Variants in FAM117B observed in about 807,000 individuals in gnomAD.
FAM117B encodes family with sequence similarity 117 member B.
FAM117B carries 22 observed loss-of-function variants against 52.8 expected under a neutral mutation model. The observed-to-expected ratio is 0.42, with a 90% CI of 0.30 to 0.59. The LOEUF (loss-of-function observed/expected upper bound fraction) is 0.59. Ranked by LOEUF, FAM117B falls within the 20% of genes least tolerant of loss-of-function variation. FAM117B has a pLI of 0.22. For missense variants in FAM117B, 678 were observed against 802.6 expected, an observed-to-expected ratio of 0.84 and a Z score of 1.88; for synonymous variants, 309 against 324.1, an observed-to-expected ratio of 0.95 and a Z score of 0.50.
chr2:202,738,291 CT>C (rs1409593879), intron 4 of FAM117B, among the ~76,000 whole-genome samples: 7 of 152,110 alleles, frequency 4.6e-5, no homozygotes, highest in Non-Finnish European at 1.5e-5. Flanking sequence ...ATGGGGATTA[CT>C]TTTGGTGTCA....
chr2:202,719,585 C>T (rs1691117513), intron 2 of FAM117B, among the ~76,000 whole-genome samples: 1 of 152,116 alleles, frequency 6.6e-6, no homozygotes, highest in South Asian at 2.1e-4. Flanking sequence ...ACTATTTCAG[C>T]ATGTATATGA....
At chr2:202,655,761 AGTGTGTGT>A (rs1182174843) in intron 1 of FAM117B, among the ~76,000 whole-genome samples, 3 of 100,372 alleles carry the variant, frequency 3.0e-5, no homozygotes, top group Admixed American at 1.1e-4. Context: ...AGAGAGAGAG[AGTGTGTGT>A]GTGTGTGTGT....
chr2:202,765,955 G>A lies in FAM117B; in HGVS notation c.*191G>A, dbSNP rs1691970947. 1.7e-6 allele frequency: 1 copy of A among 593,840 alleles called. No homozygotes were observed. Among genetic ancestry groups the A allele is most frequent in the Non-Finnish European group, 3.0e-6 (1 of 338,098 alleles). 36.8% of individuals were successfully genotyped at this position (593,840 alleles called of 1,614,324 possible). A position where few individuals can be genotyped will look rare whatever the true frequency, so the allele number is the denominator to read the frequency against. ...CCACTTGTGAACGCCAACCCTCAGT[G>A]CTTAGCCTGCTTTTTATCAAAGCAC... On this transcript the variant is annotated 3_prime_UTR_variant, in exon 8 of 8. Coordinates refer to ENST00000392238, the MANE Select transcript of FAM117B (RefSeq NM_173511.4).
intron 1 of FAM117B, among the ~76,000 whole-genome samples, chr2:202,665,472 A>G (rs953647793): frequency 5.9e-5 from 9 of 152,198 alleles, no homozygotes; most frequent in African/African-American, 2.2e-4. Context: ...TAATCTCCCC[A>G]TTAATAACTC....
intron 1 of FAM117B, among the ~76,000 whole-genome samples, chr2:202,677,015 A>G (rs956795054): frequency 6.6e-6 from 1 of 152,074 alleles, no homozygotes; most frequent in Admixed American, 6.6e-5. Context: ...GGAAAATAGG[A>G]AGCTTGGCTG....
chr2:202,684,953 A>G (rs1358412623), intron 1 of FAM117B, among the ~76,000 whole-genome samples: 1 of 152,128 alleles, frequency 6.6e-6, no homozygotes, highest in African/African-American at 2.4e-5. Context: ...ATTATCTAAG[A>G]GAAAAGAAGG....
intron 1 of FAM117B, among the ~76,000 whole-genome samples, chr2:202,677,591 G>C (rs1316981943): frequency 6.6e-6 from 1 of 152,184 alleles, no homozygotes; most frequent in South Asian, 2.1e-4. Context: ...ATCTTGCTCA[G>C]ATTCTAAAGA....
At chr2:202,649,241 G>A (rs1284550797) in intron 1 of FAM117B, among the ~76,000 whole-genome samples, 1 of 152,142 alleles carries the variant, frequency 6.6e-6, no homozygotes, top group East Asian at 1.9e-4. Context: ...CCCTCAAGGA[G>A]TAAACTCTTA....
rs868204178 is a variant in FAM117B, at chr2:202,715,382, G to A, written c.754-9535G>A. Among the ~76,000 whole-genome samples the A allele has an allele frequency of 1.3e-3, 199 of 147,676 alleles. 1 individual carries two copies. The highest frequency in any genetic ancestry group is 4.6e-3 in the African/African-American group (184 of 40,000). ...TTCCCAGACGGGGTGGCTGCCAGGC[G>A]GAGGGGCTCCTCACTTCTCAGACGG... On this transcript the variant is annotated intron_variant, in intron 2 of 7. Coordinates refer to ENST00000392238, the MANE Select transcript of FAM117B (RefSeq NM_173511.4).
At chr2:202,699,711 A>C (rs1690768868) in intron 2 of FAM117B, among the ~76,000 whole-genome samples, 1 of 152,208 alleles carries the variant, frequency 6.6e-6, no homozygotes, top group Non-Finnish European at 1.5e-5. Context: ...TATATATAAC[A>C]AGGTTTGCTG....
intron 4 of FAM117B, among the ~76,000 whole-genome samples, chr2:202,735,854 T>C (rs1010208192): frequency 6.6e-6 from 1 of 152,238 alleles, no homozygotes; most frequent in Non-Finnish European, 1.5e-5. Context: ...TACATATATA[T>C]ACATGTGTCA....
At chr2:202,665,634 T>A (rs2105763065) in intron 1 of FAM117B, among the ~76,000 whole-genome samples, 1 of 152,182 alleles carries the variant, frequency 6.6e-6, no homozygotes, top group East Asian at 1.9e-4. Flanking sequence ...AGAGTCTCAC[T>A]CTATCACCCA....
At chr2:202,718,197 C>T (rs1691087729) in intron 2 of FAM117B, among the ~76,000 whole-genome samples, 1 of 152,160 alleles carries the variant, frequency 6.6e-6, no homozygotes, top group Non-Finnish European at 1.5e-5. Context: ...TCCCCTCTGG[C>T]CCAGGGCAGG....
chr2:202,657,128 C>T lies in FAM117B; in HGVS notation c.601+21340C>T, dbSNP rs1017169186. Among the ~76,000 whole-genome samples the T allele has an allele frequency of 3.3e-5, 5 of 152,240 alleles. No homozygotes were observed. In the East Asian group the frequency reaches 9.6e-4, roughly 29 times the overall value. ...TTTGAGATAACAGTTTCCTCTGTCA[C>T]CCAGGCTGGAGTGCAGTGGCATGAT... On this transcript the variant is annotated intron_variant, in intron 1 of 7. Coordinates refer to ENST00000392238, the MANE Select transcript of FAM117B (RefSeq NM_173511.4).
intron 4 of FAM117B, among the ~76,000 whole-genome samples, chr2:202,740,259 G>T (rs562888022): frequency 5.5e-5 from 8 of 146,118 alleles, no homozygotes; most frequent in Admixed American, 3.5e-4. Context: ...ACTCGGGAGG[G>T]TGAGGCATGA....
At position 202,766,061 on chromosome 2, in the gene FAM117B, A is replaced by AACACACACACAC. The variant is rs34556556; in HGVS notation, c.*332_*343dup. ...TTGTTTTCGAATTAGACTTCTTTAA[A>AACACACACACAC]ACACACACACACACACACACACACA... On this transcript the variant is annotated 3_prime_UTR_variant, in exon 8 of 8. Transcript: ENST00000392238. 3.8e-3 allele frequency: 780 copies of AACACACACACAC among 203,068 alleles called. 3 individuals are homozygous for AACACACACACAC. The highest frequency in any genetic ancestry group is 6.3e-3 in the East Asian group (44 of 6,970). 12.6% of individuals were successfully genotyped at this position (203,068 alleles called of 1,614,324 possible). A position where few individuals can be genotyped will look rare whatever the true frequency, so the allele number is the denominator to read the frequency against.
chr2:202,656,689 A>G (rs537984224), intron 1 of FAM117B, among the ~76,000 whole-genome samples: 24 of 152,166 alleles, frequency 1.6e-4, no homozygotes, highest in Non-Finnish European at 2.8e-4. Flanking sequence ...AGTGTTCTAT[A>G]AATGTCACTT....
intron 1 of FAM117B, among the ~76,000 whole-genome samples, chr2:202,676,415 T>G (rs1298323642): frequency 6.6e-6 from 1 of 151,668 alleles, no homozygotes. Context: ...GTTTCGCTCT[T>G]GTTGCCCAGG....
chr2:202,685,487 C>T (rs764361058), intron 1 of FAM117B, among the ~76,000 whole-genome samples: 15 of 152,094 alleles, frequency 9.9e-5, no homozygotes, highest in Admixed American at 3.3e-4. Context: ...TGTCAACTCT[C>T]ACAATTCCTA....
Sources: allele counts gnomAD v4.1 joint callset (sites outside exome capture counted in the v4.1 genomes callset), GRCh38; gene constraint gnomAD v4.1.1; transcripts MANE v1.5; gene names NCBI Gene and HGNC (gene_info 2026-07-23, HGNC 2026-07-21).